WDR7: variants seen among roughly 807,000 people sequenced by gnomAD.
WDR7 encodes the protein WD repeat domain 7.
A neutral mutation model predicts 169.4 loss-of-function variants in WDR7; 46 were observed. That is an observed-to-expected ratio of 0.27 (90% CI 0.21 to 0.35). WDR7 has a LOEUF of 0.35. Among genes scored for constraint, WDR7 ranks in the 10% least tolerant of loss-of-function variants. The pLI is 1.00. For missense variants in WDR7, 1,534 were observed against 1,859.3 expected (o/e 0.83, Z 3.22); for synonymous variants, 612 against 666.8 (o/e 0.92, Z 1.27).
At chr18:56,905,121 T>A (rs972761180) in intron 21 of WDR7, among the ~76,000 whole-genome samples, 6 of 152,148 alleles carry the variant, frequency 3.9e-5, no homozygotes, top group African/African-American at 7.2e-5. Flanking sequence ...TATTTCCCTT[T>A]ATGATTATAG....
At chr18:56,729,287 A>G (rs1297808138) in intron 13 of WDR7, among the ~76,000 whole-genome samples, 2 of 152,164 alleles carry the variant, frequency 1.3e-5, no homozygotes, top group African/African-American at 2.4e-5. Flanking sequence ...ACTTAAAATA[A>G]TCTTTTCCCA....
intron 13 of WDR7, among the ~76,000 whole-genome samples, chr18:56,722,732 T>G (rs979067308): frequency 1.3e-5 from 2 of 152,194 alleles, no homozygotes; most frequent in African/African-American, 4.8e-5. Flanking sequence ...GAGATATGAC[T>G]GTGCTTACTA....
chr18:56,881,449 T>G (rs2046107258), intron 21 of WDR7, among the ~76,000 whole-genome samples: 1 of 152,148 alleles, frequency 6.6e-6, no homozygotes, highest in African/African-American at 2.4e-5. Context: ...TTAGTTAACC[T>G]GGCAAGGATC....
chr18:56,882,510 G>A (rs1247679359), intron 21 of WDR7, among the ~76,000 whole-genome samples: 1 of 152,110 alleles, frequency 6.6e-6, no homozygotes, highest in East Asian at 1.9e-4. Flanking sequence ...AATATATTCA[G>A]TAGAATATTT....
chr18:56,807,270 C>G (rs951024424), intron 19 of WDR7, among the ~76,000 whole-genome samples: 2 of 151,878 alleles, frequency 1.3e-5, no homozygotes, highest in Non-Finnish European at 2.9e-5. Context: ...CTAAATCAGC[C>G]AGAGGTTATA....
chr18:56,703,857 A>G (rs185492308), intron 12 of WDR7, among the ~76,000 whole-genome samples: 5 of 152,204 alleles, frequency 3.3e-5, no homozygotes, highest in Admixed American at 3.3e-4. Flanking sequence ...GTACAGCTAA[A>G]TATTTTTGTA....
At chr18:56,871,164 A>C (rs919918404) in intron 20 of WDR7, among the ~76,000 whole-genome samples, 1 of 152,186 alleles carries the variant, frequency 6.6e-6, no homozygotes, top group African/African-American at 2.4e-5. Context: ...GACATTGTAC[A>C]TAGTAAATCG....
chr18:56,823,762 G>T (rs2045145857), intron 20 of WDR7, among the ~76,000 whole-genome samples: 1 of 152,042 alleles, frequency 6.6e-6, no homozygotes, highest in African/African-American at 2.4e-5. Context: ...TCCACATACG[G>T]TTGGTGTAAG....
In WDR7 at chr18:56,719,600, A is replaced by G. The variant is rs2026275340; in HGVS notation, c.1774+1441A>G. ...AAAAACAGAATTGCTGTCATACTAC[A>G]TATGCAATTTTATATCTTTCTTTTG... is the stretch of plus-strand genomic sequence containing the variant. On this transcript the variant is annotated intron_variant, in intron 13 of 27. Coordinates refer to ENST00000254442, the MANE Select transcript of WDR7 (RefSeq NM_015285.3). Among the ~76,000 whole-genome samples, 3 of 151,110 alleles carry G rather than the reference A, an allele frequency of 2.0e-5. No individual in the cohort carries two copies. In the South Asian group the frequency reaches 6.2e-4, roughly 31 times the overall value.
chr18:56,956,833 CTG>C (rs1353637012), intron 25 of WDR7, among the ~76,000 whole-genome samples: 2 of 152,126 alleles, frequency 1.3e-5, no homozygotes, highest in African/African-American at 4.8e-5. Context: ...ATCCTGCAGA[CTG>C]TAACCAAGTG....
chr18:56,684,376 G>T (rs1413713886), intron 5 of WDR7, among the ~76,000 whole-genome samples: 1 of 152,158 alleles, frequency 6.6e-6, no homozygotes, highest in Non-Finnish European at 1.5e-5. Flanking sequence ...GGCTCTGCAG[G>T]CCATATGGTC....
At chr18:56,832,638 A>G (rs927958830) in intron 20 of WDR7, among the ~76,000 whole-genome samples, 1 of 152,156 alleles carries the variant, frequency 6.6e-6, no homozygotes, top group Non-Finnish European at 1.5e-5. Flanking sequence ...GCTTCCAGAG[A>G]AAGGATAAGG....
At chr18:57,019,473 A>G (rs1405129230) in intron 26 of WDR7, among the ~76,000 whole-genome samples, 1 of 152,174 alleles carries the variant, frequency 6.6e-6, no homozygotes, top group African/African-American at 2.4e-5. Flanking sequence ...TCCGGCTCAC[A>G]TCAATGCTCT....
At chr18:56,892,182 A>G (rs1308409480) in intron 21 of WDR7, among the ~76,000 whole-genome samples, 1 of 152,114 alleles carries the variant, frequency 6.6e-6, no homozygotes, top group Non-Finnish European at 1.5e-5. Context: ...AGCTATTTCT[A>G]AGGCCATTTC....
chr18:56,867,183 C>A (rs2045894333), intron 20 of WDR7, among the ~76,000 whole-genome samples: 1 of 152,006 alleles, frequency 6.6e-6, no homozygotes, highest in Non-Finnish European at 1.5e-5. Context: ...CACCACCACA[C>A]CTGGCTAATT....
At chr18:56,966,117 T>G (rs957472254) in intron 26 of WDR7, among the ~76,000 whole-genome samples, 1 of 152,162 alleles carries the variant, frequency 6.6e-6, no homozygotes, top group Non-Finnish European at 1.5e-5. Flanking sequence ...AACGGGGTCT[T>G]GCAGTGAGGG....
chr18:56,756,054 G>T (rs896071178), intron 14 of WDR7, among the ~76,000 whole-genome samples: 1 of 152,072 alleles, frequency 6.6e-6, no homozygotes, highest in Non-Finnish European at 1.5e-5. Flanking sequence ...AAGGGAGCAT[G>T]GTCAAAAGAT....
intron 26 of WDR7, among the ~76,000 whole-genome samples, chr18:56,983,771 T>C (rs1464978809): frequency 6.6e-6 from 1 of 152,208 alleles, no homozygotes; most frequent in Non-Finnish European, 1.5e-5. Flanking sequence ...TCAATAGCTG[T>C]AAATAATTGT....
intron 20 of WDR7, among the ~76,000 whole-genome samples, chr18:56,819,235 C>G (rs370579468): frequency 6.6e-6 from 1 of 152,040 alleles, no homozygotes; most frequent in East Asian, 1.9e-4. Context: ...CAAGTGTTGG[C>G]TATGATCAAT....
Sources: gnomAD v4.1 joint callset for allele counts (sites outside exome capture counted in the v4.1 genomes callset) on GRCh38, gnomAD v4.1.1 for gene constraint, MANE v1.5 for transcripts, NCBI Gene and HGNC (gene_info 2026-07-23, HGNC 2026-07-21) for gene names.